The following BAIAP2L1 variants were observed in gnomAD, a reference collection of about 807,000 sequenced individuals.
The protein encoded by BAIAP2L1 is BAR/IMD domain containing adaptor protein 2 like 1, also known as BAR/IMD domain-containing adapter protein 2-like 1.
In BAIAP2L1, 35 loss-of-function variants were observed where a neutral mutation model predicts 66.3. The observed-to-expected ratio is 0.53, with a 90% CI of 0.40 to 0.70. The LOEUF is 0.70. Among genes scored for constraint, BAIAP2L1 ranks in the 30% least tolerant of loss-of-function variants. BAIAP2L1 has a pLI of 0.00. For synonymous variants in BAIAP2L1, 269 were observed against 248.7 expected, an observed-to-expected ratio of 1.08 and a Z score of -0.77; for missense variants, 622 against 656.9, an observed-to-expected ratio of 0.95 and a Z score of 0.58.
chr7:98,308,203 A>G (rs1425091470), intron 9 of BAIAP2L1: 5 of 549,140 alleles, frequency 9.1e-6, no homozygotes, highest in Non-Finnish European at 1.7e-5. Flanking sequence ...TGCTTTAGCC[A>G]GGATGGCTCT....
At chr7:98,399,943 A>T (rs1044981866) in intron 1 of BAIAP2L1, 1 of 152,170 alleles carries the variant, frequency 6.6e-6, no homozygotes, top group Admixed American at 6.6e-5. Flanking sequence ...TCTAAGGAGG[A>T]GGGCGTTTCC....
At chr7:98,317,494 G>A in intron 5 of BAIAP2L1, 138 bp from the exon 6 acceptor site, 1 of 1,122,004 alleles carries the variant, frequency 8.9e-7, no homozygotes, top group Non-Finnish European at 1.3e-6. Flanking sequence ...CACACTGGCT[G>A]GGGCCCCCAC....
chr7:98,358,804 G>A (rs1802199214), intron 2 of BAIAP2L1, among the ~76,000 whole-genome samples: 1 of 152,168 alleles, frequency 6.6e-6, no homozygotes, highest in Non-Finnish European at 1.5e-5. Context: ...CATGAGGTAA[G>A]GTCACACACC....
chr7:98,399,253 T>C (rs557212841), intron 1 of BAIAP2L1, among the ~76,000 whole-genome samples: 60 of 152,330 alleles, frequency 3.9e-4, no homozygotes, highest in Admixed American at 2.3e-3. Context: ...TCAAAAACGC[T>C]GTGTCAACTG....
intron 3 of BAIAP2L1, among the ~76,000 whole-genome samples, chr7:98,348,593 A>C (rs943339901): frequency 2.0e-5 from 3 of 152,046 alleles, no homozygotes; most frequent in Non-Finnish European, 2.9e-5. Flanking sequence ...AAAAGAAAGA[A>C]AGAAAAGAAA....
intron 1 of BAIAP2L1, among the ~76,000 whole-genome samples, chr7:98,371,539 T>C (rs760439042): frequency 1.3e-5 from 2 of 152,226 alleles, no homozygotes; most frequent in Non-Finnish European, 2.9e-5. Context: ...CCTCGGCATT[T>C]CTACTGCCTC....
chr7:98,335,312 A>T (rs1232332039), intron 3 of BAIAP2L1, among the ~76,000 whole-genome samples: 1 of 123,104 alleles, frequency 8.1e-6, no homozygotes, highest in Non-Finnish European at 2.0e-5. Context: ...GATATTACAT[A>T]TCATACCCTG....
intron 3 of BAIAP2L1, among the ~76,000 whole-genome samples, chr7:98,341,218 A>G (rs1334963303): frequency 6.6e-6 from 1 of 152,218 alleles, no homozygotes; most frequent in Non-Finnish European, 1.5e-5. Context: ...AATGCTTCTA[A>G]GTAAAACCAG....
At chr7:98,314,665 G>A (rs1034372307) in intron 7 of BAIAP2L1, among the ~76,000 whole-genome samples, 27 of 152,186 alleles carry the variant, frequency 1.8e-4, no homozygotes, top group African/African-American at 4.6e-4. Flanking sequence ...ACGCATCACT[G>A]AGCCCAGCTG....
intron 1 of BAIAP2L1, chr7:98,386,272 G>A (rs929493319): frequency 1.3e-6 from 2 of 1,594,852 alleles, no homozygotes; most frequent in Non-Finnish European, 8.5e-7. Flanking sequence ...TTTGTCACGG[G>A]TAAGATCCAT....
chr7:98,359,970 T>C (rs535886516), intron 2 of BAIAP2L1, among the ~76,000 whole-genome samples: 3 of 151,344 alleles, frequency 2.0e-5, no homozygotes, highest in Non-Finnish European at 4.4e-5. Flanking sequence ...TTGCCCAGGC[T>C]GGAGTGCAGT....
chr7:98,330,296 G>A (rs1208300513), intron 3 of BAIAP2L1, among the ~76,000 whole-genome samples: 1 of 152,210 alleles, frequency 6.6e-6, no homozygotes, highest in African/African-American at 2.4e-5. Flanking sequence ...AATGGAAGCA[G>A]AGAGATGATG....
chr7:98,317,377 CTTATT>C, intron 5 of BAIAP2L1, 21 bp from the exon 6 acceptor site: 1 of 1,611,258 alleles, frequency 6.2e-7, no homozygotes, highest in South Asian at 1.1e-5. Context: ...AATGGCTGTG[CTTATT>C]TTACTGTGGC....
In BAIAP2L1 at chr7:98,358,362, T is replaced by TTG. The variant is rs1218111559; in HGVS notation, c.128-3235_128-3234insCA. 4.0e-5 allele frequency among the ~76,000 whole-genome samples: 6 copies of TTG among 150,374 alleles called. No homozygotes were observed. The East Asian group carries it at 9.7e-4, about 24-fold the overall frequency. On this transcript the variant is annotated intron_variant, in intron 2 of 13. Coordinates refer to ENST00000005260, the MANE Select transcript of BAIAP2L1 (RefSeq NM_018842.5). ...GGAAAGAAGCATATTAGTTTTTTGT[T>TTG]TTTTTTTTTTTAAGAGTCAGCGTCT...
At chr7:98,387,922 G>A (rs1802935496) in intron 1 of BAIAP2L1, among the ~76,000 whole-genome samples, 1 of 151,922 alleles carries the variant, frequency 6.6e-6, no homozygotes, top group Non-Finnish European at 1.5e-5. Flanking sequence ...AACCTTCAAG[G>A]ACCATATAGC....
chr7:98,346,208 A>C (rs1801870285), intron 3 of BAIAP2L1, among the ~76,000 whole-genome samples: 1 of 152,230 alleles, frequency 6.6e-6, no homozygotes, highest in Non-Finnish European at 1.5e-5. Context: ...ACTTCCAGTA[A>C]CGAAAGACAG....
At chr7:98,363,977 A>G (rs1802332929) in intron 1 of BAIAP2L1, among the ~76,000 whole-genome samples, 1 of 151,456 alleles carries the variant, frequency 6.6e-6, no homozygotes, top group Non-Finnish European at 1.5e-5. Flanking sequence ...ACTTTCAACT[A>G]TGCTCCTATT....
intron 3 of BAIAP2L1, among the ~76,000 whole-genome samples, chr7:98,332,987 A>G (rs1025896489): frequency 6.6e-6 from 1 of 151,660 alleles, no homozygotes; most frequent in Non-Finnish European, 1.5e-5. Flanking sequence ...CCTCAGCCAC[A>G]CTGGCTTACA....
intron 13 of BAIAP2L1, 97 bp downstream of exon 13, chr7:98,293,977 C>A: frequency 7.2e-7 from 1 of 1,392,638 alleles, no homozygotes; most frequent in Non-Finnish European, 1.0e-6. Context: ...CTTTCTCAGG[C>A]TGGACCCCCT....
Sources: allele counts gnomAD v4.1 joint callset (sites outside exome capture counted in the v4.1 genomes callset), GRCh38; gene constraint gnomAD v4.1.1; transcripts MANE v1.5; gene names NCBI Gene and HGNC (gene_info 2026-07-23, HGNC 2026-07-21).